The following L3MBTL4 variants were observed in gnomAD, a reference collection of about 807,000 sequenced individuals.
L3MBTL4 encodes lethal(3)malignant brain tumor-like protein 4.
A neutral mutation model predicts 84.5 loss-of-function variants in L3MBTL4; 70 were observed. The ratio of observed to expected loss-of-function variants is 0.83; its 90% CI spans 0.68 to 1.01. The LOEUF (loss-of-function observed/expected upper bound fraction) is 1.01. Ranked by LOEUF, L3MBTL4 falls within the 50% of genes least tolerant of loss-of-function variation. The probability of loss-of-function intolerance (pLI) is 0.00; values close to 1 mark genes in which losing one functional copy is unlikely to be tolerated. For synonymous variants in L3MBTL4, 274 were observed against 259.8 expected (o/e 1.05, Z -0.52); for missense variants, 715 against 754.8 (o/e 0.95, Z 0.62).
intron 1 of L3MBTL4, among the ~76,000 whole-genome samples, chr18:6,407,803 C>T (rs2055795533): frequency 6.6e-6 from 1 of 152,192 alleles, no homozygotes. Flanking sequence ...GCAACAAGCC[C>T]TTACTCCACC....
chr18:6,219,190 A>G (rs946749701), intron 10 of L3MBTL4, among the ~76,000 whole-genome samples: 4 of 151,968 alleles, frequency 2.6e-5, no homozygotes, highest in Non-Finnish European at 5.9e-5. Context: ...GTATCTGAAC[A>G]ATGACGCGTG....
chr18:6,350,056 G>A (rs1198086247), intron 1 of L3MBTL4, among the ~76,000 whole-genome samples: 1 of 152,174 alleles, frequency 6.6e-6, no homozygotes, highest in African/African-American at 2.4e-5. Context: ...ATATTCACAT[G>A]CAAAATAATG....
chr18:6,293,323 G>C (rs1469601073), intron 4 of L3MBTL4, among the ~76,000 whole-genome samples: 1 of 152,124 alleles, frequency 6.6e-6, no homozygotes, highest in Non-Finnish European at 1.5e-5. Flanking sequence ...CTGGGGCAAG[G>C]AGAGTTCAAG....
chr18:6,015,882 T>TC (rs1272776887), intron 16 of L3MBTL4, among the ~76,000 whole-genome samples: 7 of 152,042 alleles, frequency 4.6e-5, no homozygotes, highest in African/African-American at 1.7e-4. Flanking sequence ...ATCGCTTGAA[T>TC]CCGGGACGCG....
chr18:5,990,123 G>C (rs1254328011), intron 16 of L3MBTL4, among the ~76,000 whole-genome samples: 1 of 152,192 alleles, frequency 6.6e-6, no homozygotes, highest in Admixed American at 6.5e-5. Context: ...TTGGCTGTGG[G>C]GAACCAGGGA....
chr18:6,098,063 C>T (rs538293057), intron 14 of L3MBTL4, among the ~76,000 whole-genome samples: 1 of 152,250 alleles, frequency 6.6e-6, no homozygotes, highest in South Asian at 2.1e-4. Flanking sequence ...GTTGCCAAAC[C>T]CCTTGGATAC....
At position 6,213,179 on chromosome 18, in the gene L3MBTL4, C is replaced by G. The variant is rs773765938; in HGVS notation, c.951G>C (p.Thr317=). 1.4e-5 allele frequency: 23 copies of G among 1,605,752 alleles called. No homozygotes were observed. In the Admixed American group the frequency reaches 2.4e-4, roughly 17 times the overall value. Residue 317 remains threonine (T), a synonymous_variant, in exon 12 of 19, where the codon ACG becomes ACC. Coordinates refer to ENST00000317931, the MANE Select transcript of L3MBTL4 (RefSeq NM_001330559.2). ...CTCTTTGGTCATCAACATCTACAAT[C>G]GTAGCAACACGAATTAACCTGGGGT... ...KRNPRLIRVA[T]IVDVDDQRVK...
chr18:6,171,721 A>C, intron 13 of L3MBTL4, 107 bp downstream of exon 13: 1 of 602,626 alleles, frequency 1.7e-6, no homozygotes, highest in Non-Finnish European at 2.9e-6. Context: ...TAATTCGCCT[A>C]TGTGATGTTT....
intron 14 of L3MBTL4, among the ~76,000 whole-genome samples, chr18:6,103,933 A>G (rs958576190): frequency 6.6e-6 from 1 of 152,240 alleles, no homozygotes; most frequent in Non-Finnish European, 1.5e-5. Flanking sequence ...CCCAAACACT[A>G]ACAGCTACAA....
intron 16 of L3MBTL4, among the ~76,000 whole-genome samples, chr18:5,982,003 T>TGC (rs1375638281): frequency 9.4e-6 from 1 of 106,144 alleles, no homozygotes; most frequent in Non-Finnish European, 1.6e-5. Context: ...TGTGTGTGTG[T>TGC]GTGTGTTTTG....
intron 5 of L3MBTL4, among the ~76,000 whole-genome samples, chr18:6,248,465 T>C (rs927587009): frequency 2.6e-5 from 4 of 152,236 alleles, no homozygotes; most frequent in Non-Finnish European, 5.9e-5. Flanking sequence ...TTTTTAAATA[T>C]GTAGAATATT....
chr18:6,383,608 C>T (rs1007438812), intron 1 of L3MBTL4, among the ~76,000 whole-genome samples: 1 of 152,166 alleles, frequency 6.6e-6, no homozygotes, highest in Admixed American at 6.5e-5. Context: ...CGACGCCCTG[C>T]CCTGTTTCGG....
intron 16 of L3MBTL4, among the ~76,000 whole-genome samples, chr18:5,999,353 G>T (rs1173149646): frequency 6.6e-6 from 1 of 152,244 alleles, no homozygotes; most frequent in Non-Finnish European, 1.5e-5. Context: ...TTGGTTTGAG[G>T]TTGCAAAGCA....
chr18:6,174,686 A>G (rs976145500), intron 12 of L3MBTL4, among the ~76,000 whole-genome samples: 1 of 151,348 alleles, frequency 6.6e-6, no homozygotes, highest in African/African-American at 2.5e-5. Flanking sequence ...CCTGGCCAAC[A>G]CGGTGAAGCC....
At chr18:5,957,195 A>G (rs2095232030) in intron 18 of L3MBTL4, among the ~76,000 whole-genome samples, 1 of 152,238 alleles carries the variant, frequency 6.6e-6, no homozygotes. Context: ...ATTAAACTTT[A>G]AAAATACATT....
At chr18:5,981,650 T>C (rs1415538430) in intron 16 of L3MBTL4, among the ~76,000 whole-genome samples, 1 of 141,752 alleles carries the variant, frequency 7.1e-6, no homozygotes, top group Non-Finnish European at 1.5e-5. Flanking sequence ...ACTCCTTTCT[T>C]TGAGGAAAAA....
chr18:6,159,389 A>G (rs2043227703), intron 13 of L3MBTL4, among the ~76,000 whole-genome samples: 2 of 152,188 alleles, frequency 1.3e-5, no homozygotes, highest in South Asian at 2.1e-4. Context: ...AGCTGTGTGA[A>G]TCATTGAGTT....
At chr18:6,261,208 T>C (rs752183414) in intron 5 of L3MBTL4, among the ~76,000 whole-genome samples, 3 of 152,224 alleles carry the variant, frequency 2.0e-5, no homozygotes, top group Non-Finnish European at 4.4e-5. Context: ...TAAGACACCA[T>C]GTCATACGTT....
At chr18:6,089,692 G>A (rs1373392889) in intron 15 of L3MBTL4, among the ~76,000 whole-genome samples, 1 of 152,140 alleles carries the variant, frequency 6.6e-6, no homozygotes, top group Non-Finnish European at 1.5e-5. Flanking sequence ...ACCACATACA[G>A]GGTTGTTGGG....
Sources: allele counts gnomAD v4.1 joint callset (sites outside exome capture counted in the v4.1 genomes callset), GRCh38; gene constraint gnomAD v4.1.1; transcripts MANE v1.5; gene names NCBI Gene and HGNC (gene_info 2026-07-23, HGNC 2026-07-21).